Variants in SORCS3 observed in about 807,000 individuals in gnomAD.
SORCS3 encodes the protein sortilin related VPS10 domain containing receptor 3, also known as VPS10 domain-containing receptor SorCS3.
In SORCS3, 57 loss-of-function variants were observed where a neutral mutation model predicts 146.3. The ratio of observed to expected loss-of-function variants is 0.39; its 90% CI spans 0.31 to 0.49. SORCS3 has a LOEUF of 0.49. Ranked by LOEUF, SORCS3 falls within the 20% of genes least tolerant of loss-of-function variation. The probability of loss-of-function intolerance (pLI) is 0.92; values close to 1 mark genes in which losing one functional copy is unlikely to be tolerated. For missense variants in SORCS3, 1,341 were observed against 1,575.5 expected (o/e 0.85, Z 2.52); for synonymous variants, 653 against 618.5 (o/e 1.06, Z -0.83).
intron 3 of SORCS3, among the ~76,000 whole-genome samples, chr10:104,954,876 A>G (rs2019470620): frequency 6.6e-6 from 1 of 152,122 alleles, no homozygotes; most frequent in South Asian, 2.1e-4. Context: ...GCTATTTTTT[A>G]CTTAACATTA....
In SORCS3 at chr10:105,131,321, A is replaced by T. The variant is rs1225502113; in HGVS notation, c.1213-8076A>T. The stretch of plus-strand genomic sequence containing the variant: ...AGAGGCAGTGTGAGAAGTAACTAAG[A>T]TGTACCCTTAGAGGTGGTCATTTCT... On this transcript the variant is annotated intron_variant, in intron 7 of 26. Coordinates refer to ENST00000369701, the MANE Select transcript of SORCS3 (RefSeq NM_014978.3). Among the ~76,000 whole-genome samples the T allele has an allele frequency of 6.6e-5, 10 of 152,188 alleles. No homozygotes were observed. The East Asian group carries it at 1.9e-3, about 29-fold the overall frequency.
chr10:104,713,419 T>C (rs892788212), intron 1 of SORCS3, among the ~76,000 whole-genome samples: 3 of 152,232 alleles, frequency 2.0e-5, no homozygotes, highest in Non-Finnish European at 4.4e-5. Flanking sequence ...GTCATCATGC[T>C]AGCTGTACGT....
chr10:105,151,416 C>T (rs1020110297), intron 9 of SORCS3, among the ~76,000 whole-genome samples: 6 of 152,072 alleles, frequency 3.9e-5, no homozygotes, highest in African/African-American at 1.4e-4. Context: ...AATATTCGCA[C>T]GTGTGATGTA....
chr10:105,011,346 T>G (rs942297430), intron 4 of SORCS3, among the ~76,000 whole-genome samples: 1 of 152,166 alleles, frequency 6.6e-6, no homozygotes, highest in Non-Finnish European at 1.5e-5. Flanking sequence ...CCTTCTCTCC[T>G]TCCTCCTCTG....
At position 105,003,998 on chromosome 10, in the gene SORCS3, C is replaced by CTTTTTTTTTTTTTT. The variant is rs35604992; in HGVS notation, c.954+26506_954+26507insTTTTTTTTTTTTTT. Among the ~76,000 whole-genome samples, 146 of 136,008 alleles carry CTTTTTTTTTTTTTT rather than the reference C, an allele frequency of 1.1e-3. 10 individuals are homozygous for CTTTTTTTTTTTTTT. The highest frequency in any genetic ancestry group is 2.6e-3 in the African/African-American group (90 of 34,232). The allele number at this position is 136,008 out of a possible 152,430, so 89.2% of individuals were successfully genotyped here. ...TTCCCCTCCTTTTTTTCTCTTCTCT[C>CTTTTTTTTTTTTTT]TCTTTTTTTTTTTTTTACCAGAGAA... On this transcript the variant is annotated intron_variant, in intron 4 of 26. Coordinates refer to ENST00000369701, the MANE Select transcript of SORCS3 (RefSeq NM_014978.3).
At chr10:104,745,349 C>A (rs112116260) in intron 1 of SORCS3, among the ~76,000 whole-genome samples, 9 of 152,228 alleles carry the variant, frequency 5.9e-5, no homozygotes, top group African/African-American at 2.2e-4. Context: ...ACCAAAACAT[C>A]TAAAAGGATC....
chr10:105,211,235 A>G lies in SORCS3; in HGVS notation c.2360A>G (p.Tyr787Cys). 1 of 1,613,710 alleles carries G rather than the reference A, an allele frequency of 6.2e-7. No individual in the cohort carries two copies. Among genetic ancestry groups the G allele is most frequent in the Non-Finnish European group, 8.5e-7 (1 of 1,179,658 alleles). ...AAGGACTGCAGCCTTGGTCAAAGCT[A>G]CCTTAACAGCACTGGGTAAGTAAAA... is the stretch of plus-strand genomic sequence containing the variant. ...PSKDCSLGQS[Y>C]LNSTGYRRIV... The change falls in exon 17 of 27, where the codon TAC becomes TGC. Residue 787 changes from tyrosine (Y) to cysteine (C), a missense_variant. Physicochemically the swap from Tyr to Cys is radical, Grantham distance 194. Transcript: ENST00000369701.
At chr10:105,127,905 C>T (rs1346417102) in intron 7 of SORCS3, among the ~76,000 whole-genome samples, 1 of 152,124 alleles carries the variant, frequency 6.6e-6, no homozygotes, top group Non-Finnish European at 1.5e-5. Flanking sequence ...CAGGCTAAGT[C>T]CCTCAAATAA....
At chr10:105,088,615 A>G (rs2055679835) in intron 5 of SORCS3, among the ~76,000 whole-genome samples, 1 of 152,214 alleles carries the variant, frequency 6.6e-6, no homozygotes, top group South Asian at 2.1e-4. Context: ...CCTGGATGCC[A>G]TCAGCCCCTG....
At chr10:105,098,011 A>G (rs1434087496) in intron 6 of SORCS3, among the ~76,000 whole-genome samples, 1 of 152,232 alleles carries the variant, frequency 6.6e-6, no homozygotes, top group Non-Finnish European at 1.5e-5. Context: ...GATAAAGCCT[A>G]ATACTTCTTA....
intron 5 of SORCS3, among the ~76,000 whole-genome samples, chr10:105,057,073 G>A (rs900319123): frequency 1.3e-5 from 2 of 152,176 alleles, no homozygotes; most frequent in Non-Finnish European, 2.9e-5. Context: ...AAAAGTTAGA[G>A]TGGGAAGAAC....
In SORCS3 at chr10:104,696,531, ATT is replaced by A. The variant is rs1491330558; in HGVS notation, c.627+54578_627+54579del. 1.7e-3 allele frequency among the ~76,000 whole-genome samples: 154 copies of A among 88,002 alleles called. 22 individuals are homozygous for A. Among genetic ancestry groups the A allele is most frequent in the African/African-American group, 6.1e-3 (131 of 21,488 alleles). 57.7% of individuals were successfully genotyped at this position (88,002 alleles called of 152,430 possible). On this transcript the variant is annotated intron_variant, in intron 1 of 26. Transcript: ENST00000369701. ...ATATAATATATAATATAGAATATAT[ATT>A]ATATACATATATAATATAGAATATA... is the stretch of plus-strand genomic sequence containing the variant.
chr10:104,784,995 G>A, intron 1 of SORCS3, among the ~76,000 whole-genome samples: 1 of 152,164 alleles, frequency 6.6e-6, no homozygotes, highest in East Asian at 1.9e-4. Context: ...GCCGGGCAGA[G>A]GGGCTCCTCA....
At position 104,952,410 on chromosome 10, in the gene SORCS3, TCA is replaced by T. The variant is rs561411420; in HGVS notation, c.796-24921_796-24920del. ...CTAAGCGTGTTAGAAGTGTAGAATC[TCA>T]CACTCTTCTACATACCTACTGAATC... On this transcript the variant is annotated intron_variant, in intron 3 of 26. Transcript: ENST00000369701. Among the ~76,000 whole-genome samples the T allele has an allele frequency of 2.9e-3, 446 of 151,998 alleles. 2 individuals are homozygous for T. Among genetic ancestry groups the T allele is most frequent in the South Asian group, 0.019 (90 of 4,802 alleles).
At chr10:104,723,767 A>G (rs1281913458) in intron 1 of SORCS3, among the ~76,000 whole-genome samples, 2 of 151,980 alleles carry the variant, frequency 1.3e-5, no homozygotes, top group South Asian at 4.2e-4. Flanking sequence ...GTTGTTTTGA[A>G]GTCTGTTTTA....
rs144648890 is a variant in SORCS3, at chr10:105,232,274, G to A, written c.2868+9025G>A. ...CATCCTGTGTGAGTTTTAACAGATT[G>A]TGTCTTTCAAGAAATTGATCTATTT... On this transcript the variant is annotated intron_variant, in intron 20 of 26. Coordinates refer to ENST00000369701, the MANE Select transcript of SORCS3 (RefSeq NM_014978.3). Among the ~76,000 whole-genome samples the A allele has an allele frequency of 1.4e-3, 218 of 152,120 alleles. 1 individual carries two copies. Among genetic ancestry groups the A allele is most frequent in the Non-Finnish European group, 2.3e-3 (154 of 67,920 alleles).
chr10:105,208,197 C>T (rs940965950), intron 16 of SORCS3, among the ~76,000 whole-genome samples: 20 of 152,036 alleles, frequency 1.3e-4, no homozygotes, highest in Admixed American at 2.6e-4. Context: ...AAAAATTAAC[C>T]GGGCATAGTG....
chr10:105,217,847 G>T (rs1179177012), intron 19 of SORCS3: 2 of 454,082 alleles, frequency 4.4e-6, no homozygotes, highest in South Asian at 3.1e-5. Flanking sequence ...ATTTTAGGAT[G>T]TCGGGTCGAG....
chr10:105,213,844 G>T (rs1414465772), intron 17 of SORCS3, among the ~76,000 whole-genome samples: 2 of 144,478 alleles, frequency 1.4e-5, no homozygotes, highest in African/African-American at 5.1e-5. Context: ...TGCTGAGTGG[G>T]AAATGAAATA....
Sources: allele counts gnomAD v4.1 joint callset (sites outside exome capture counted in the v4.1 genomes callset), GRCh38; gene constraint gnomAD v4.1.1; transcripts MANE v1.5; gene names NCBI Gene and HGNC (gene_info 2026-07-23, HGNC 2026-07-21).